UBE2R2: variants seen among roughly 807,000 people sequenced by gnomAD.
UBE2R2 encodes the protein ubiquitin conjugating enzyme E2 R2.
UBE2R2 carries 1 observed loss-of-function variant against 27.8 expected under a neutral mutation model. That is an observed-to-expected ratio of 0.04 (90% CI 0.01 to 0.17). UBE2R2 has a LOEUF of 0.17. UBE2R2 is among the 10% of genes least tolerant of loss of function. The probability of loss-of-function intolerance (pLI) is 1.00; values close to 1 mark genes in which losing one functional copy is unlikely to be tolerated. For synonymous variants in UBE2R2, 106 were observed against 113.3 expected (o/e 0.94, Z 0.41); for missense variants, 100 against 291.0 (o/e 0.34, Z 4.78).
intron 4 of UBE2R2, among the ~76,000 whole-genome samples, 184 bp downstream of exon 4, chr9:33,912,282 G>T (rs1373871996): frequency 6.6e-6 from 1 of 152,104 alleles, no homozygotes; most frequent in Non-Finnish European, 1.5e-5. Flanking sequence ...CGAGAGAACA[G>T]CCACTAGAAG....
intron 1 of UBE2R2, among the ~76,000 whole-genome samples, chr9:33,871,986 A>G (rs1821494782): frequency 6.6e-6 from 1 of 152,150 alleles, no homozygotes; most frequent in African/African-American, 2.4e-5. Context: ...TGCTGGCATT[A>G]CAGGTGTGAG....
At chr9:33,885,886 C>T (rs544519936) in intron 1 of UBE2R2, among the ~76,000 whole-genome samples, 2 of 152,136 alleles carry the variant, frequency 1.3e-5, no homozygotes, top group African/African-American at 2.4e-5. Context: ...CTGCAAAGGA[C>T]GTTCACTGCA....
intron 1 of UBE2R2, among the ~76,000 whole-genome samples, chr9:33,851,453 T>C (rs1383420965): frequency 6.6e-6 from 1 of 152,220 alleles, no homozygotes; most frequent in Non-Finnish European, 1.5e-5. Flanking sequence ...ATCCTGTTTG[T>C]GTAGTCTCTT....
At chr9:33,861,352 G>A (rs1440468520) in intron 1 of UBE2R2, among the ~76,000 whole-genome samples, 2 of 151,990 alleles carry the variant, frequency 1.3e-5, no homozygotes, top group African/African-American at 4.8e-5. Flanking sequence ...CAGATTGCCC[G>A]AGGTCAGGAG....
At chr9:33,915,426 G>A (rs750201588) in intron 4 of UBE2R2, among the ~76,000 whole-genome samples, 4 of 152,156 alleles carry the variant, frequency 2.6e-5, no homozygotes, top group Non-Finnish European at 5.9e-5. Context: ...AGCATAAAGG[G>A]AGTGGTGGTT....
chr9:33,830,238 C>T (rs1291901303), intron 1 of UBE2R2, among the ~76,000 whole-genome samples: 3 of 149,992 alleles, frequency 2.0e-5, no homozygotes, highest in Non-Finnish European at 4.4e-5. Flanking sequence ...GCTCACTGCA[C>T]CTTCCACCTC....
intron 1 of UBE2R2, among the ~76,000 whole-genome samples, chr9:33,860,894 A>ACCCTCCCCACC (rs1821215294): frequency 1.4e-5 from 1 of 72,626 alleles, no homozygotes; most frequent in African/African-American, 5.2e-5. Flanking sequence ...GAGACACCCC[A>ACCCTCCCCACC]CCCTCCCCAC....
chr9:33,842,622 T>TG (rs754210526), intron 1 of UBE2R2, among the ~76,000 whole-genome samples: 5 of 152,192 alleles, frequency 3.3e-5, no homozygotes, highest in Non-Finnish European at 7.3e-5. Flanking sequence ...TACTGCTAAA[T>TG]GCAGATACTA....
Position 33,817,947 on chromosome 9 carries a change from T to C in UBE2R2, c.177+13T>C. 1.2e-6 allele frequency: 2 copies of C among 1,600,784 alleles called. No individual in the cohort carries two copies. Among genetic ancestry groups the C allele is most frequent in the Non-Finnish European group, 1.7e-6 (2 of 1,173,458 alleles). ...CGGCTACTTCAAGGTACCCTCACCC[T>C]CCTCCCGGACCCTGCTTCCGCGGCC... On this transcript the variant is annotated intron_variant, in intron 1 of 4. Transcript: ENST00000263228.
intron 1 of UBE2R2, among the ~76,000 whole-genome samples, chr9:33,836,615 G>C (rs574757673): frequency 1.3e-5 from 2 of 152,212 alleles, no homozygotes; most frequent in African/African-American, 4.8e-5. Context: ...AAATTAGCCA[G>C]ACATGGTGGC....
At position 33,861,979 on chromosome 9, in the gene UBE2R2, A is replaced by T. The variant is rs527336242; in HGVS notation, c.178-24902A>T. ...AGTGATTCTCCTGCCTCAGCCTCCC[A>T]TGTAGCTGGGATTATAGGCGCCTGC... On this transcript the variant is annotated intron_variant, in intron 1 of 4. Transcript: ENST00000263228. Among the ~76,000 whole-genome samples the T allele has an allele frequency of 1.7e-3, 260 of 149,090 alleles. 1 individual carries two copies. The highest frequency in any genetic ancestry group is 3.6e-3 in the Middle Eastern group (1 of 276).
At chr9:33,893,627 T>G (rs571568505) in intron 2 of UBE2R2, among the ~76,000 whole-genome samples, 3 of 152,124 alleles carry the variant, frequency 2.0e-5, no homozygotes, top group Admixed American at 6.6e-5. Context: ...TGTTTAACTT[T>G]TTATTTATTT....
chr9:33,828,044 T>C (rs1054409506), intron 1 of UBE2R2, among the ~76,000 whole-genome samples: 4 of 151,764 alleles, frequency 2.6e-5, no homozygotes, highest in Non-Finnish European at 4.4e-5. Context: ...AGAGGCTCAC[T>C]GTAGTCCCAG....
At chr9:33,816,125 G>C (rs1316267647), upstream of UBE2R2, among the ~76,000 whole-genome samples, 2 of 152,156 alleles carry the variant, frequency 1.3e-5, no homozygotes, top group Non-Finnish European at 2.9e-5. Flanking sequence ...GAGAAGTAAT[G>C]GAACTAGGGT....
chr9:33,850,442 A>G (rs1026438554), intron 1 of UBE2R2, among the ~76,000 whole-genome samples: 1 of 152,072 alleles, frequency 6.6e-6, no homozygotes, highest in African/African-American at 2.4e-5. Flanking sequence ...TCTTCATTCC[A>G]TGATACTAGA....
chr9:33,866,907 G>A (rs1821376335), intron 1 of UBE2R2, among the ~76,000 whole-genome samples: 1 of 151,990 alleles, frequency 6.6e-6, no homozygotes, highest in Non-Finnish European at 1.5e-5. Context: ...CCACTCTGTG[G>A]CTTGCTTGTT....
chr9:33,841,087 AT>A lies in UBE2R2; in HGVS notation c.177+23166del, dbSNP rs937406198. Among the ~76,000 whole-genome samples the A allele has an allele frequency of 1.3e-3, 187 of 141,142 alleles. No homozygotes were observed. The Middle Eastern group carries it at 0.022, about 17-fold the overall frequency. The allele number at this position is 141,142 out of a possible 152,430, so 92.6% of individuals were successfully genotyped here. A position where few individuals can be genotyped will look rare whatever the true frequency, so the allele number is the denominator to read the frequency against. ...TTATAAGCACCTGCCACCACGCCTG[AT>A]TTTTTTTTTTTTGAGACGAAGTCTT... On this transcript the variant is annotated intron_variant, in intron 1 of 4. Coordinates refer to ENST00000263228, the MANE Select transcript of UBE2R2 (RefSeq NM_017811.4).
Position 33,817,171 on chromosome 9 carries a change from C to T in UBE2R2, c.-587C>T, listed in dbSNP as rs995507381. On this transcript the variant is annotated 5_prime_UTR_variant, in exon 1 of 5. Coordinates refer to ENST00000263228, the MANE Select transcript of UBE2R2 (RefSeq NM_017811.4). Reference sequence around the variant, plus strand: ...CTCCCTCCCTCCCTGCTTCTCGGCTCCGTTGCTCCCGCGGCGCGAGGCGCT... The same window carrying T: ...CTCCCTCCCTCCCTGCTTCTCGGCTTCGTTGCTCCCGCGGCGCGAGGCGCT... 2.7e-5 allele frequency among the ~76,000 whole-genome samples: 4 copies of T among 146,464 alleles called. No individual in the cohort carries two copies. Among genetic ancestry groups the T allele is most frequent in the African/African-American group, 1.0e-4 (4 of 40,132 alleles).
chr9:33,916,629 T>TG (rs753912614), intron 4 of UBE2R2, among the ~76,000 whole-genome samples: 19 of 152,248 alleles, frequency 1.2e-4, no homozygotes, highest in Non-Finnish European at 2.5e-4. Context: ...GTTATCCCTG[T>TG]GCTTCACACA....
Sources: gnomAD v4.1 joint callset for allele counts (sites outside exome capture counted in the v4.1 genomes callset) on GRCh38, gnomAD v4.1.1 for gene constraint, MANE v1.5 for transcripts, NCBI Gene and HGNC (gene_info 2026-07-23, HGNC 2026-07-21) for gene names.